Variants in ATRN observed in about 807,000 individuals in gnomAD.
ATRN encodes the protein attractin-2.
In ATRN, 54 loss-of-function variants were observed where a neutral mutation model predicts 178.7. That is an observed-to-expected ratio of 0.30 (90% CI 0.24 to 0.38). The LOEUF is 0.38. Ranked by LOEUF, ATRN falls within the 10% of genes least tolerant of loss-of-function variation. The probability of loss-of-function intolerance (pLI) is 1.00; values close to 1 mark genes in which losing one functional copy is unlikely to be tolerated. For synonymous variants in ATRN, 636 were observed against 663.0 expected, an observed-to-expected ratio of 0.96 and a Z score of 0.63; for missense variants, 1,443 against 1,815.1, an observed-to-expected ratio of 0.79 and a Z score of 3.73.
Position 3,501,879 on chromosome 20 carries a change from C to T in ATRN, c.410+30362C>T, listed in dbSNP as rs140344557. ...TCAGGGGCTGCAAAGAAAGAAGGGG[C>T]GCTGGAAAATACCTCAGGCTTTTAG... On this transcript the variant is annotated intron_variant, in intron 1 of 28. Coordinates refer to ENST00000262919, the MANE Select transcript of ATRN (RefSeq NM_139321.3). 6.0e-3 allele frequency among the ~76,000 whole-genome samples: 917 copies of T among 152,182 alleles called. 15 individuals are homozygous for T. The highest frequency in any genetic ancestry group is 0.021 in the African/African-American group (852 of 41,518).
intron 6 of ATRN, among the ~76,000 whole-genome samples, chr20:3,554,310 TTTATTTA>T: frequency 7.3e-6 from 1 of 137,014 alleles, no homozygotes; most frequent in African/African-American, 2.6e-5. Flanking sequence ...CAGATTTTTA[TTTATTTA>T]TTTATTTATT....
intron 1 of ATRN, among the ~76,000 whole-genome samples, chr20:3,481,791 C>CT (rs780144563): frequency 0.091 from 9,134 of 100,488 alleles, 700 homozygotes; most frequent in African/African-American, 0.21. Context: ...GGTGAATTTC[C>CT]TTTTTTTTTT....
intron 22 of ATRN, among the ~76,000 whole-genome samples, chr20:3,600,436 T>C (rs1468833110): frequency 6.6e-6 from 1 of 152,224 alleles, no homozygotes; most frequent in Non-Finnish European, 1.5e-5. Flanking sequence ...ATTTCAGCTC[T>C]ATATGCCTTT....
At chr20:3,543,316 A>G (rs570692764) in intron 3 of ATRN, among the ~76,000 whole-genome samples, 8 of 152,376 alleles carry the variant, frequency 5.3e-5, no homozygotes, top group Admixed American at 1.3e-4. Context: ...ACTCACATGT[A>G]GTAAGTGCTT....
chr20:3,600,306 C>A (rs1393706174), intron 22 of ATRN, among the ~76,000 whole-genome samples: 1 of 152,042 alleles, frequency 6.6e-6, no homozygotes, highest in Admixed American at 6.6e-5. Flanking sequence ...AAGTGGTAGA[C>A]AAGGTTTTCA....
chr20:3,480,479 A>G (rs2084603922), intron 1 of ATRN, among the ~76,000 whole-genome samples: 1 of 152,168 alleles, frequency 6.6e-6, no homozygotes, highest in Non-Finnish European at 1.5e-5. Flanking sequence ...AACTTTCTGA[A>G]TCTCTGGATC....
intron 6 of ATRN, among the ~76,000 whole-genome samples, chr20:3,551,432 T>C (rs1182285821): frequency 2.6e-5 from 4 of 152,160 alleles, no homozygotes; most frequent in African/African-American, 9.7e-5. Context: ...AGACCACCTT[T>C]TTACTTATCC....
Position 3,559,374 on chromosome 20 carries a change from T to C in ATRN, c.1113-19T>C, listed in dbSNP as rs368282106. 6.4e-7 allele frequency: 1 copy of C among 1,560,754 alleles called. No homozygotes were observed. The highest frequency in any genetic ancestry group is 1.4e-5 in the African/African-American group (1 of 73,814). ...CTGTCTTATTAGTTGGGTGAAAATATGATCTGTTTGTTTTGTAGGTATGAC... is the reference window on the plus strand; with the variant it reads ...CTGTCTTATTAGTTGGGTGAAAATACGATCTGTTTGTTTTGTAGGTATGAC... On this transcript the variant is annotated intron_variant, in intron 6 of 28. Coordinates refer to ENST00000262919, the MANE Select transcript of ATRN (RefSeq NM_139321.3).
chr20:3,605,974 A>C (rs997571435), intron 24 of ATRN, among the ~76,000 whole-genome samples: 3 of 152,224 alleles, frequency 2.0e-5, no homozygotes, highest in African/African-American at 7.2e-5. Context: ...TGACTAAAGA[A>C]CAGTTGATCT....
At chr20:3,646,342 G>A (rs2853203) in intron 28 of ATRN, among the ~76,000 whole-genome samples, 48,129 of 151,976 alleles carry the variant, frequency 0.32, 7,768 homozygotes, top group Middle Eastern at 0.46. Context: ...CTTAGCACAC[G>A]TCTACAATCT....
chr20:3,509,497 ATTT>A (rs34739669), intron 1 of ATRN, among the ~76,000 whole-genome samples: 2 of 143,774 alleles, frequency 1.4e-5, no homozygotes, highest in Non-Finnish European at 3.0e-5. Context: ...CATGTTAACA[ATTT>A]TTTTTTTTTT....
At chr20:3,539,337 C>T (rs949490677) in intron 2 of ATRN, among the ~76,000 whole-genome samples, 3 of 152,084 alleles carry the variant, frequency 2.0e-5, no homozygotes, top group African/African-American at 7.2e-5. Flanking sequence ...AAGGGTAGGG[C>T]AGGTATTTGG....
rs1158821144 is a variant in ATRN at position 3,584,645 on chromosome 20, A to T, written c.2951-2A>T. The T allele has an allele frequency of 9.5e-6, 15 of 1,584,888 alleles. No homozygotes were observed. In the Admixed American group the frequency reaches 1.7e-4, roughly 18 times the overall value. ...TCAATTGCAACTTTTTTTTTTTAAT[A>T]GCTGAAAATTGTTCAGGCTACTGTA... On this transcript the variant is annotated splice_acceptor_variant, in intron 17 of 28. Coordinates refer to ENST00000262919, the MANE Select transcript of ATRN (RefSeq NM_139321.3). LOFTEE classifies it high-confidence loss of function.
rs752765173 is a variant in ATRN at position 3,549,218 on chromosome 20, G to A, written c.992G>A (p.Arg331Gln). ...CCAGCTAACCAGTCATTTTGGACTC[G>A]AGAGGAATATTCTAACTTAAAGCTC... Reference protein sequence around the residue: ...PVPANQSFWTREEYSNLKLPR... With the variant: ...PVPANQSFWTQEEYSNLKLPR... The change falls in exon 6 of 29, where the codon CGA becomes CAA. Residue 331 changes from arginine to glutamine, a missense_variant. By Grantham distance (43) the Arg-to-Gln change is conservative. Around this residue, in one of 4 missense-constraint regions of ATRN, gnomAD observed 862 missense variants for 972.1 expected, o/e 0.89. Coordinates refer to ENST00000262919, the MANE Select transcript of ATRN (RefSeq NM_139321.3). The A allele has an allele frequency of 2.5e-6, 4 of 1,610,652 alleles. No individual in the cohort carries two copies. The highest frequency in any genetic ancestry group is 1.7e-5 in the Admixed American group (1 of 59,240).
chr20:3,637,290 G>A (rs1266412271), intron 26 of ATRN, among the ~76,000 whole-genome samples: 1 of 152,148 alleles, frequency 6.6e-6, no homozygotes, highest in Non-Finnish European at 1.5e-5. Flanking sequence ...AATAGTAGTA[G>A]CGGCTGACGC....
chr20:3,490,318 G>GC, intron 1 of ATRN: 1 of 1,019,366 alleles, frequency 9.8e-7, no homozygotes. Flanking sequence ...TCAGAGCGCT[G>GC]CTTGTCTCTT....
intron 1 of ATRN, among the ~76,000 whole-genome samples, chr20:3,512,575 C>T (rs1376111409): frequency 6.6e-6 from 1 of 152,078 alleles, no homozygotes; most frequent in African/African-American, 2.4e-5. Context: ...CATACGTGTG[C>T]ATGTGTCTTT....
chr20:3,629,127 A>C (rs1600168954), intron 25 of ATRN: 1 of 983,674 alleles, frequency 1.0e-6, no homozygotes, highest in African/African-American at 1.8e-5. Context: ...TGCACTCTCC[A>C]CCTCCACTCC....
At chr20:3,598,147 A>G (rs2086557503) in intron 22 of ATRN, 147 bp downstream of exon 22, 1 of 563,306 alleles carries the variant, frequency 1.8e-6, no homozygotes, top group South Asian at 2.4e-5. Flanking sequence ...GAAATGTTAG[A>G]CTCTACGTTA....
Sources: allele counts gnomAD v4.1 joint callset (sites outside exome capture counted in the v4.1 genomes callset), GRCh38; gene constraint gnomAD v4.1.1; regional missense constraint gnomAD v4.1.1; transcripts MANE v1.5; gene names NCBI Gene and HGNC (gene_info 2026-07-23, HGNC 2026-07-21).